Variants in YTHDC2 observed in about 807,000 individuals in gnomAD.
The protein encoded by YTHDC2 is YTH N6-methyladenosine RNA binding protein C2, also known as 3'-5' RNA helicase YTHDC2.
Under a neutral mutation model 174.9 loss-of-function variants are expected in YTHDC2, and 45 were observed. That is an observed-to-expected ratio of 0.26 (90% CI 0.20 to 0.33). The LOEUF is 0.33. Among genes scored for constraint, YTHDC2 ranks in the 10% least tolerant of loss-of-function variants. YTHDC2 has a pLI of 1.00. For missense variants in YTHDC2, 1,650 were observed against 1,723.7 expected (o/e 0.96, Z 0.76); for synonymous variants, 657 against 574.5 (o/e 1.14, Z -2.05).
intron 21 of YTHDC2, among the ~76,000 whole-genome samples, chr5:113,566,332 C>G (rs1777324668): frequency 6.6e-6 from 1 of 151,880 alleles, no homozygotes; most frequent in African/African-American, 2.4e-5. Context: ...TTTCTTTTAT[C>G]ACCATTAATG....
chr5:113,549,328 A>G (rs1776095994), intron 12 of YTHDC2, among the ~76,000 whole-genome samples: 1 of 152,214 alleles, frequency 6.6e-6, no homozygotes, highest in Non-Finnish European at 1.5e-5. Context: ...GAAATTTAAA[A>G]GGTGTAAACC....
intron 23 of YTHDC2, among the ~76,000 whole-genome samples, chr5:113,568,222 A>T (rs1356889479): frequency 6.6e-6 from 1 of 152,108 alleles, no homozygotes; most frequent in East Asian, 1.9e-4. Flanking sequence ...CTACATGTTT[A>T]CATATTTTAA....
At position 113,553,185 on chromosome 5, in the gene YTHDC2, A is replaced by T. The variant is rs72805422; in HGVS notation, c.1693A>T (p.Thr565Ser). 0.19 allele frequency: 262,274 copies of T among 1,385,102 alleles called. 34,252 individuals are homozygous for T. Among genetic ancestry groups the T allele is most frequent in the African/African-American group, 0.57 (34,104 of 60,356 alleles). 85.8% of individuals were successfully genotyped at this position (1,385,102 alleles called of 1,614,324 possible). A position where few individuals can be genotyped will look rare whatever the true frequency, so the allele number is the denominator to read the frequency against. Reference sequence around the variant, plus strand: ...TTTTTTTTTTTTTTTTTTCAGTGCTACACTGGAATTTGGAAATCTAGATGA... The same window carrying T: ...TTTTTTTTTTTTTTTTTTCAGTGCTTCACTGGAATTTGGAAATCTAGATGA... ...IVDLLESYSATLEFGNLDESS... is the reference protein window; with the variant it reads ...IVDLLESYSASLEFGNLDESS... Residue 565 changes from threonine to serine, a missense_variant, in exon 13 of 30, where the codon ACA becomes TCA. Coordinates refer to ENST00000161863, the MANE Select transcript of YTHDC2 (RefSeq NM_022828.5).
intron 23 of YTHDC2, 41 bp from the exon 24 acceptor site, chr5:113,579,545 G>A: frequency 6.8e-7 from 1 of 1,465,546 alleles, no homozygotes; most frequent in Non-Finnish European, 9.2e-7. Flanking sequence ...CATAACGTAA[G>A]AAGGTAAAAG....
At chr5:113,550,414 A>G (rs1231073320) in intron 12 of YTHDC2, among the ~76,000 whole-genome samples, 2 of 152,184 alleles carry the variant, frequency 1.3e-5, no homozygotes, top group African/African-American at 4.8e-5. Flanking sequence ...GGAAAAACAA[A>G]AAGTTACACA....
intron 4 of YTHDC2, among the ~76,000 whole-genome samples, chr5:113,528,844 G>A (rs1401589468): frequency 1.3e-5 from 2 of 152,112 alleles, no homozygotes; most frequent in East Asian, 3.8e-4. Flanking sequence ...CTGCCACCCT[G>A]TGTCACTGCA....
intron 23 of YTHDC2, among the ~76,000 whole-genome samples, chr5:113,570,115 G>A (rs1288942178): frequency 1.3e-5 from 2 of 151,016 alleles, no homozygotes; most frequent in African/African-American, 4.9e-5. Flanking sequence ...TCATTTTTTT[G>A]AGATGGAGTC....
chr5:113,535,560 A>G, intron 6 of YTHDC2, 82 bp from the exon 7 acceptor site: 1 of 1,333,774 alleles, frequency 7.5e-7, no homozygotes, highest in Non-Finnish European at 1.0e-6. Context: ...TTAGTGTAAA[A>G]CCCAGTGGTG....
chr5:113,558,879 G>A (rs553397721), intron 17 of YTHDC2, among the ~76,000 whole-genome samples: 5 of 145,346 alleles, frequency 3.4e-5, no homozygotes, highest in South Asian at 4.3e-4. Flanking sequence ...CCGAGACCAC[G>A]CCATTGCACT....
chr5:113,546,399 G>T (rs1181202707), intron 10 of YTHDC2, among the ~76,000 whole-genome samples: 6 of 152,124 alleles, frequency 3.9e-5, no homozygotes, highest in Non-Finnish European at 2.9e-5. Context: ...GCCATGTGAG[G>T]AAAACTAAAA....
intron 26 of YTHDC2, among the ~76,000 whole-genome samples, chr5:113,590,538 C>A (rs936856972): frequency 6.6e-6 from 1 of 152,180 alleles, no homozygotes; most frequent in African/African-American, 2.4e-5. Flanking sequence ...CTTGTGGGAA[C>A]CCCTCTGTGT....
chr5:113,527,620 G>A (rs1296455332), intron 4 of YTHDC2, among the ~76,000 whole-genome samples: 1 of 152,158 alleles, frequency 6.6e-6, no homozygotes, highest in East Asian at 1.9e-4. Flanking sequence ...AAGGCAAGGT[G>A]GGAGGAGAAG....
At chr5:113,552,940 A>T (rs1195848009) in intron 12 of YTHDC2, among the ~76,000 whole-genome samples, 1 of 152,018 alleles carries the variant, frequency 6.6e-6, no homozygotes, top group African/African-American at 2.4e-5. Context: ...TCATGTGCTT[A>T]TAGGCCATTT....
intron 23 of YTHDC2, among the ~76,000 whole-genome samples, chr5:113,575,879 G>A (rs375117915): frequency 3.9e-5 from 6 of 152,096 alleles, no homozygotes; most frequent in African/African-American, 7.2e-5. Flanking sequence ...GATAGTGATC[G>A]CTGATATGAA....
At chr5:113,534,912 CA>C (rs945770690) in intron 6 of YTHDC2, among the ~76,000 whole-genome samples, 4 of 151,520 alleles carry the variant, frequency 2.6e-5, no homozygotes, top group African/African-American at 9.7e-5. Context: ...TAGTTTGTGT[CA>C]AAAAAAATTA....
At chr5:113,547,276 T>C (rs928097699) in intron 10 of YTHDC2, among the ~76,000 whole-genome samples, 7 of 152,236 alleles carry the variant, frequency 4.6e-5, no homozygotes, top group African/African-American at 9.6e-5. Context: ...TCAGAATAAA[T>C]TGATCTTTTA....
intron 4 of YTHDC2, among the ~76,000 whole-genome samples, chr5:113,532,023 T>C (rs545337162): frequency 3.3e-5 from 5 of 152,342 alleles, no homozygotes; most frequent in African/African-American, 1.2e-4. Context: ...GATAGGTGTT[T>C]ACTGCAGTGT....
intron 26 of YTHDC2, 49 bp from the exon 27 acceptor site, chr5:113,590,992 G>A: frequency 3.9e-6 from 6 of 1,524,916 alleles, no homozygotes; most frequent in Non-Finnish European, 5.4e-6. Flanking sequence ...GAGCCTCTTG[G>A]TTTTGAAAGG....
At chr5:113,522,840 G>C (rs923676448) in intron 2 of YTHDC2, among the ~76,000 whole-genome samples, 1 of 152,070 alleles carries the variant, frequency 6.6e-6, no homozygotes, top group Non-Finnish European at 1.5e-5. Flanking sequence ...ATCAGTAAAA[G>C]CACAAGTAGA....
Sources: allele counts gnomAD v4.1 joint callset (sites outside exome capture counted in the v4.1 genomes callset), GRCh38; gene constraint gnomAD v4.1.1; transcripts MANE v1.5; gene names NCBI Gene and HGNC (gene_info 2026-07-23, HGNC 2026-07-21).